The following OR2L13 variants were observed in gnomAD, a reference collection of about 807,000 sequenced individuals.
OR2L13 encodes the protein olfactory receptor 2L13.
A neutral mutation model predicts 15.3 loss-of-function variants in OR2L13; 14 were observed. The ratio of observed to expected loss-of-function variants is 0.91; its 90% CI spans 0.60 to 1.43. The LOEUF is 1.43. Ranked by LOEUF, OR2L13 falls within the 40% of genes most tolerant of loss-of-function variation. The probability of loss-of-function intolerance (pLI) is 0.00; values close to 1 mark genes in which losing one functional copy is unlikely to be tolerated. For synonymous variants in OR2L13, 152 were observed against 142.9 expected, an observed-to-expected ratio of 1.06 and a Z score of -0.45; for missense variants, 367 against 387.9, an observed-to-expected ratio of 0.95 and a Z score of 0.45.
At chr1:247,983,717 T>C in the OR2L13 span, among the ~76,000 whole-genome samples, 1 of 152,200 alleles carries the variant, frequency 6.6e-6, no homozygotes, top group African/African-American at 2.4e-5. Context: ...AGACACTACA[T>C]TGGTGTTCAA....
At chr1:248,077,631 G>C in the OR2L13 span, among the ~76,000 whole-genome samples, 5 of 152,036 alleles carry the variant, frequency 3.3e-5, no homozygotes, top group Non-Finnish European at 5.9e-5. Context: ...ATGACTTGGG[G>C]TTAGGGAAAT....
At chr1:247,954,732 A>G in the OR2L13 span, among the ~76,000 whole-genome samples, 1 of 152,098 alleles carries the variant, frequency 6.6e-6, no homozygotes, top group Non-Finnish European at 1.5e-5. Context: ...TAACAAGATA[A>G]GGAGGATAAT....
At chr1:247,977,710 A>AC in the OR2L13 span, among the ~76,000 whole-genome samples, 1 of 152,180 alleles carries the variant, frequency 6.6e-6, no homozygotes, top group Non-Finnish European at 1.5e-5. Context: ...GGTCCTAACT[A>AC]CCGTTAATTG....
At chr1:248,003,602 C>T in the OR2L13 span, 2 of 1,611,500 alleles carry the variant, frequency 1.2e-6, no homozygotes, top group African/African-American at 1.3e-5. Flanking sequence ...TGCTTGTGCT[C>T]ACACTGTATA....
chr1:247,956,934 A>G, the OR2L13 span, among the ~76,000 whole-genome samples: 2 of 152,036 alleles, frequency 1.3e-5, no homozygotes, highest in African/African-American at 4.8e-5. Context: ...AATCCCCTTT[A>G]TTTCCTTCTC....
At chr1:247,990,962 G>A in the OR2L13 span, 2 of 1,477,494 alleles carry the variant, frequency 1.4e-6, no homozygotes, top group African/African-American at 1.4e-5. Flanking sequence ...TCTGCAGAAG[G>A]GAGGAAGAAG....
At chr1:248,041,885 A>ATAGG in the OR2L13 span, 1 of 151,496 alleles carries the variant, frequency 6.6e-6, no homozygotes, top group Non-Finnish European at 1.5e-5. Context: ...GATGTGGAGA[A>ATAGG]AACACTTTTA....
the OR2L13 span, among the ~76,000 whole-genome samples, chr1:248,025,954 TGGGGGGA>T: frequency 8.6e-6 from 1 of 116,518 alleles, no homozygotes; most frequent in Admixed American, 8.3e-5. Context: ...TGTTGTGAGG[TGGGGGGA>T]GGGGGGAAGG....
chr1:248,079,927 T>C, the OR2L13 span, among the ~76,000 whole-genome samples: 2 of 152,196 alleles, frequency 1.3e-5, no homozygotes, highest in African/African-American at 4.8e-5. Context: ...TGAATAAAGA[T>C]GCAAGCCACA....
chr1:248,016,589 T>C, the OR2L13 span, among the ~76,000 whole-genome samples: 1 of 152,092 alleles, frequency 6.6e-6, no homozygotes, highest in African/African-American at 2.4e-5. Context: ...TTCAGTAAAT[T>C]TAACCTCTGT....
the OR2L13 span, among the ~76,000 whole-genome samples, chr1:248,021,341 A>G: frequency 2.6e-5 from 4 of 152,230 alleles, no homozygotes; most frequent in African/African-American, 9.6e-5. Context: ...AGTTGTATAA[A>G]TAATTCACAG....
At chr1:248,037,289 A>G in the OR2L13 span, among the ~76,000 whole-genome samples, 3 of 152,198 alleles carry the variant, frequency 2.0e-5, no homozygotes, top group African/African-American at 7.2e-5. Flanking sequence ...GTTCCTCCAA[A>G]TGAATCATAG....
chr1:248,034,841 G>T, the OR2L13 span, among the ~76,000 whole-genome samples: 1 of 152,182 alleles, frequency 6.6e-6, no homozygotes, highest in Non-Finnish European at 1.5e-5. Flanking sequence ...GACACTTTCT[G>T]TGAGTCACAG....
chr1:247,994,911 C>G, the OR2L13 span, among the ~76,000 whole-genome samples: 1 of 152,138 alleles, frequency 6.6e-6, no homozygotes, highest in African/African-American at 2.4e-5. Context: ...ATCAGACTGA[C>G]TTGAATTATT....
chr1:248,083,909 T>C, the OR2L13 span: 1 of 1,611,430 alleles, frequency 6.2e-7, no homozygotes, highest in Non-Finnish European at 8.5e-7. Flanking sequence ...TGCGGGCTTC[T>C]GTAGAGCGCA....
chr1:248,060,976 CAG>C, the OR2L13 span: 22 of 1,613,908 alleles, frequency 1.4e-5, no homozygotes, highest in Non-Finnish European at 1.8e-5. Context: ...GTGTGGGATT[CAG>C]AGTTTCTTCT....
chr1:248,031,599 C>T, the OR2L13 span, among the ~76,000 whole-genome samples: 1 of 152,220 alleles, frequency 6.6e-6, no homozygotes, highest in Admixed American at 6.5e-5. Context: ...CTGGCTGGCA[C>T]CACCGCAGGC....
At chr1:248,024,301 ATG>A in the OR2L13 span, 1 of 152,164 alleles carries the variant, frequency 6.6e-6, no homozygotes, top group Non-Finnish European at 1.5e-5. Flanking sequence ...TTTTAATATT[ATG>A]TGTTTAAAAT....
chr1:248,004,391 A>T, the OR2L13 span, among the ~76,000 whole-genome samples: 3 of 152,208 alleles, frequency 2.0e-5, no homozygotes, highest in Non-Finnish European at 4.4e-5. Flanking sequence ...TAACAATTCT[A>T]TTATTGTCAA....
Sources: allele counts gnomAD v4.1 joint callset (sites outside exome capture counted in the v4.1 genomes callset), GRCh38; gene constraint gnomAD v4.1.1; transcripts MANE v1.5; gene names NCBI Gene and HGNC (gene_info 2026-07-23, HGNC 2026-07-21).